DIAPH2: variants seen among roughly 807,000 people sequenced by gnomAD.
The protein encoded by DIAPH2 is diaphanous related formin 2.
Under a neutral mutation model 92.7 loss-of-function variants are expected in DIAPH2, and 35 were observed. That is an observed-to-expected ratio of 0.38 (90% CI 0.29 to 0.50). The LOEUF (loss-of-function observed/expected upper bound fraction) is 0.50. DIAPH2 is among the 20% of genes least tolerant of loss of function. The probability of loss-of-function intolerance (pLI) is 0.94; values close to 1 mark genes in which losing one functional copy is unlikely to be tolerated. For missense variants in DIAPH2, 701 were observed against 819.5 expected (o/e 0.86, Z 1.77); for synonymous variants, 301 against 280.4 (o/e 1.07, Z -0.73).
intron 26 of DIAPH2, among the ~76,000 whole-genome samples, chrX:97,487,422 G>A (rs542523333): frequency 3.2e-4 from 35 of 111,037 alleles, no homozygotes; most frequent in Middle Eastern, 4.6e-3. Flanking sequence ...TTACAGGCAC[G>A]TGCCACCACG....
intron 20 of DIAPH2, among the ~76,000 whole-genome samples, chrX:97,107,327 A>T (rs1002502453): frequency 4.5e-5 from 5 of 111,682 alleles, no homozygotes; most frequent in Non-Finnish European, 3.8e-5. Flanking sequence ...TCAAGGCTTC[A>T]ATTCACAGAT....
intron 26 of DIAPH2, among the ~76,000 whole-genome samples, chrX:97,477,962 GA>G (rs1046379600): frequency 9.0e-6 from 1 of 110,908 alleles, no homozygotes; most frequent in Non-Finnish European, 1.9e-5. Context: ...AGTTTCTAAT[GA>G]AAAAAACACT....
At position 97,045,167 on chromosome X, in the gene DIAPH2, A is replaced by T. The variant is rs183047120; in HGVS notation, c.2051-27774A>T. Among the ~76,000 whole-genome samples, 11 of 112,316 alleles carry T rather than the reference A, an allele frequency of 9.8e-5. No individual in the cohort carries two copies. The East Asian group carries it at 2.8e-3, about 29-fold the overall frequency. Reference sequence around the variant, plus strand: ...TGCTGATGAATTGGATTTGTGCGATAAAAGACAAAAAGGAAGCAAGAAAGA... The same window carrying T: ...TGCTGATGAATTGGATTTGTGCGATTAAAGACAAAAAGGAAGCAAGAAAGA... On this transcript the variant is annotated intron_variant, in intron 17 of 26. Coordinates refer to ENST00000324765, the MANE Select transcript of DIAPH2 (RefSeq NM_006729.5).
intron 17 of DIAPH2, among the ~76,000 whole-genome samples, chrX:96,983,727 G>GT (rs1448760883): frequency 2.9e-4 from 32 of 111,383 alleles, no homozygotes; most frequent in African/African-American, 1.0e-3. Context: ...TTTCTGCATT[G>GT]TATCAATATT....
chrX:97,457,007 T>C (rs2070412429), intron 26 of DIAPH2, among the ~76,000 whole-genome samples: 1 of 112,219 alleles, frequency 8.9e-6, no homozygotes, highest in Non-Finnish European at 1.9e-5. Context: ...TTGGTTTTTT[T>C]GTTTTGTTTT....
intron 20 of DIAPH2, among the ~76,000 whole-genome samples, chrX:97,100,963 A>G (rs1266818124): frequency 8.9e-6 from 1 of 112,055 alleles, no homozygotes; most frequent in Non-Finnish European, 1.9e-5. Context: ...TCAGGAATGT[A>G]TGTTTGGGAT....
intron 22 of DIAPH2, among the ~76,000 whole-genome samples, chrX:97,185,395 GTA>G (rs68018026): frequency 0.77 from 13,502 of 17,603 alleles, 5,215 homozygotes; most frequent in Non-Finnish European, 0.85. Flanking sequence ...ATATATATGT[GTA>G]TATATATATA....
intron 22 of DIAPH2, among the ~76,000 whole-genome samples, chrX:97,207,329 TCA>T (rs2067805702): frequency 2.7e-5 from 3 of 112,027 alleles, no homozygotes; most frequent in Non-Finnish European, 5.6e-5. Flanking sequence ...TTGAAAGTAC[TCA>T]TTCAGCAAGC....
chrX:97,389,968 A>G (rs1294787371), intron 25 of DIAPH2, among the ~76,000 whole-genome samples: 2 of 111,190 alleles, frequency 1.8e-5, no homozygotes, highest in African/African-American at 6.5e-5. Context: ...ATTGGTACAC[A>G]GCACTGAAAG....
rs191796707 is a variant in DIAPH2 at position 97,284,606 on chromosome X, G to A, written c.2844+36767G>A. On this transcript the variant is annotated intron_variant, in intron 23 of 26. Transcript: ENST00000324765. ...GCGTGGGCAACAAGACTAAAGCTCC[G>A]TCTCAAAAAAAAAAAAAAAACAAAG... 9.4e-3 allele frequency among the ~76,000 whole-genome samples: 928 copies of A among 99,178 alleles called. 18 individuals carry two copies. Among genetic ancestry groups the A allele is most frequent in the African/African-American group, 0.033 (888 of 26,672 alleles). The allele number at this position is 99,178 out of a possible 115,157, so 86.1% of individuals were successfully genotyped here. A position where few individuals can be genotyped will look rare whatever the true frequency, so the allele number is the denominator to read the frequency against.
chrX:97,390,830 A>T (rs749489844), intron 25 of DIAPH2, among the ~76,000 whole-genome samples: 2 of 112,102 alleles, frequency 1.8e-5, no homozygotes, highest in South Asian at 7.4e-4. Flanking sequence ...TGTCATTGAG[A>T]CCGTAAGATA....
rs764200751 is a variant in DIAPH2 at position 97,181,057 on chromosome X, TTTGTTGTTGTTGTTG to T, written c.2719+39278_2719+39292del. 9.1e-5 allele frequency among the ~76,000 whole-genome samples: 10 copies of T among 110,377 alleles called. No homozygotes were observed. In the South Asian group the frequency reaches 3.1e-3, roughly 34 times the overall value. On this transcript the variant is annotated intron_variant, in intron 22 of 26. Transcript: ENST00000324765. ...TTCTATGAAGAATGTCAATGGCAGTTTTGTTGTTGTTGTTGTTGTTGTTGTTGTTTTTGATGGGTT... is the reference window on the plus strand; with the variant it reads ...TTCTATGAAGAATGTCAATGGCAGTTTTGTTGTTGTTGTTTTTGATGGGTT...
chrX:96,741,788 A>C (rs983061803), intron 3 of DIAPH2, among the ~76,000 whole-genome samples: 15 of 111,649 alleles, frequency 1.3e-4, no homozygotes, highest in Admixed American at 5.7e-4. Flanking sequence ...CCAGTCTCTC[A>C]TCTTAATTGA....
At chrX:96,815,831 T>A (rs2064729812) in intron 4 of DIAPH2, among the ~76,000 whole-genome samples, 1 of 109,727 alleles carries the variant, frequency 9.1e-6, no homozygotes. Flanking sequence ...CATCCGGCTA[T>A]TTTTTTTTGT....
rs145751945 is a variant in DIAPH2 at position 96,942,026 on chromosome X, A to G, written c.1334A>G (p.Tyr445Cys). The stretch of plus-strand genomic sequence containing the variant: ...CTTTCTCTCCTTTTCAGGCCACAAT[A>G]TTATAAAATAATTGAGGAATGTGTT... ...IRNDYYIRPQ[Y>C]YKIIEECVSQ... Residue 445 changes from tyrosine to cysteine, a missense_variant, in exon 13 of 27, where the codon TAT becomes TGT. Around this residue, in one of 3 missense-constraint regions of DIAPH2, gnomAD observed 536 missense variants for 599.3 expected, o/e 0.89. Transcript: ENST00000324765. 3.7e-5 allele frequency: 42 copies of G among 1,144,697 alleles called. No individual in the cohort carries two copies. Among genetic ancestry groups the G allele is most frequent in the Non-Finnish European group, 4.9e-5 (41 of 837,942 alleles). 94.3% of individuals were successfully genotyped at this position (1,144,697 alleles called of 1,213,427 possible).
At chrX:97,382,398 C>T (rs1469613423) in intron 24 of DIAPH2, among the ~76,000 whole-genome samples, 2 of 112,044 alleles carry the variant, frequency 1.8e-5, no homozygotes, top group Non-Finnish European at 3.8e-5. Context: ...CGAGACCAGC[C>T]TAACCAACAT....
chrX:96,894,974 A>ATTTTTTTTTTTT (rs766131166), intron 5 of DIAPH2, among the ~76,000 whole-genome samples: 2 of 59,529 alleles, frequency 3.4e-5, no homozygotes, highest in African/African-American at 6.1e-5. Flanking sequence ...GTTTTTCTTA[A>ATTTTTTTTTTTT]TTTTTTTTTT....
intron 17 of DIAPH2, among the ~76,000 whole-genome samples, chrX:97,050,858 G>A (rs1236486297): frequency 9.0e-6 from 1 of 111,612 alleles, no homozygotes; most frequent in Non-Finnish European, 1.9e-5. Context: ...ATTGCTTGCT[G>A]AACTTAAATT....
At chrX:96,927,239 C>T (rs2065588517) in intron 9 of DIAPH2, among the ~76,000 whole-genome samples, 2 of 103,685 alleles carry the variant, frequency 1.9e-5, no homozygotes, top group South Asian at 4.2e-4. Flanking sequence ...TATGTTCTGT[C>T]TAGCTTTAAA....
Sources: gnomAD v4.1 joint callset for allele counts (sites outside exome capture counted in the v4.1 genomes callset) on GRCh38, gnomAD v4.1.1 for gene constraint, gnomAD v4.1.1 regional missense constraint, MANE v1.5 for transcripts, NCBI Gene and HGNC (gene_info 2026-07-23, HGNC 2026-07-21) for gene names.